Variants in RHOJ observed in about 807,000 individuals in gnomAD.
RHOJ encodes the protein rho-related GTP-binding protein RhoJ.
In RHOJ, 11 loss-of-function variants were observed where a neutral mutation model predicts 23.4. The observed-to-expected ratio is 0.47, with a 90% CI of 0.30 to 0.78. The LOEUF (loss-of-function observed/expected upper bound fraction) is 0.78. RHOJ is among the 30% of genes least tolerant of loss of function. RHOJ has a pLI of 0.08. For missense variants in RHOJ, 254 were observed against 273.4 expected (o/e 0.93, Z 0.50); for synonymous variants, 102 against 102.7 (o/e 0.99, Z 0.04).
intron 1 of RHOJ, among the ~76,000 whole-genome samples, chr14:63,228,224 G>A (rs1371902142): frequency 6.6e-6 from 1 of 152,150 alleles, no homozygotes; most frequent in East Asian, 1.9e-4. Flanking sequence ...TATTTCTATT[G>A]TTGGATTATC....
chr14:63,278,743 C>T (rs540277130), intron 2 of RHOJ, among the ~76,000 whole-genome samples: 1 of 151,958 alleles, frequency 6.6e-6, no homozygotes, highest in Non-Finnish European at 1.5e-5. Context: ...AGCACTTTGG[C>T]GGGGGCTGAG....
At chr14:63,286,798 C>T (rs1882098083) in intron 4 of RHOJ, among the ~76,000 whole-genome samples, 1 of 152,216 alleles carries the variant, frequency 6.6e-6, no homozygotes, top group South Asian at 2.1e-4. Flanking sequence ...ATTATCCAGC[C>T]TTGAATTGGC....
chr14:63,211,394 G>C (rs1402423626), intron 1 of RHOJ, among the ~76,000 whole-genome samples: 2 of 152,114 alleles, frequency 1.3e-5, no homozygotes, highest in Non-Finnish European at 2.9e-5. Context: ...GAGCCTAGAA[G>C]TTCAAAGTTA....
chr14:63,271,678 T>C (rs1895472713), intron 2 of RHOJ, among the ~76,000 whole-genome samples: 1 of 152,246 alleles, frequency 6.6e-6, no homozygotes, highest in African/African-American at 2.4e-5. Context: ...CACTGCAACC[T>C]CCGCTTCCCG....
chr14:63,240,469 G>C (rs1894864348), intron 1 of RHOJ, among the ~76,000 whole-genome samples: 1 of 152,162 alleles, frequency 6.6e-6, no homozygotes, highest in South Asian at 2.1e-4. Context: ...ATGCTTGCTG[G>C]TTGATTGATC....
chr14:63,254,753 A>G (rs1264317498), intron 1 of RHOJ, among the ~76,000 whole-genome samples: 1 of 152,148 alleles, frequency 6.6e-6, no homozygotes, highest in African/African-American at 2.4e-5. Context: ...AGCCATGCCC[A>G]CACAGGCTGC....
At chr14:63,217,695 C>G (rs1894395845) in intron 1 of RHOJ, among the ~76,000 whole-genome samples, 1 of 152,136 alleles carries the variant, frequency 6.6e-6, no homozygotes, top group African/African-American at 2.4e-5. Context: ...CAAATGGGAT[C>G]TAATTAAACT....
Position 63,283,208 on chromosome 14 carries a change from G to A in RHOJ, c.490G>A (p.Ala164Thr), listed in dbSNP as rs375835313. 4.3e-6 allele frequency: 7 copies of A among 1,611,984 alleles called. No homozygotes were observed. Among genetic ancestry groups the A allele is most frequent in the East Asian group, 4.5e-5 (2 of 44,886 alleles). The change falls in exon 4 of 5, where the codon GCA becomes ACA. Residue 164 changes from alanine (A) to threonine (T), a missense_variant. Coordinates refer to ENST00000316754, the MANE Select transcript of RHOJ (RefSeq NM_020663.5). ...PLTYEHGVKL[A>T]KAIGAQCYLE... ...CACTTACGAGCATGGTGTGAAGCTC[G>A]CAAAAGCGGTACAGTCAGATTTGAA...
rs11848251 is a variant in RHOJ, at chr14:63,229,178, A to G, written c.178+24131A>G. On this transcript the variant is annotated intron_variant, in intron 1 of 4. Transcript: ENST00000316754. ...AATGCTCAACACTGTTTGCTTAGAT[A>G]GTATATCTACAAAGTGAGTCCAAAT... Among the ~76,000 whole-genome samples, 366 of 152,354 alleles carry G rather than the reference A, an allele frequency of 2.4e-3. 1 individual carries two copies. The highest frequency in any genetic ancestry group is 8.0e-3 in the African/African-American group (331 of 41,578).
At chr14:63,251,626 G>A (rs932949568) in intron 1 of RHOJ, among the ~76,000 whole-genome samples, 7 of 152,162 alleles carry the variant, frequency 4.6e-5, no homozygotes, top group African/African-American at 1.7e-4. Context: ...TCCACTGGGG[G>A]CATTCAAGCC....
intron 1 of RHOJ, among the ~76,000 whole-genome samples, chr14:63,236,320 C>T (rs1031259086): frequency 2.8e-4 from 43 of 152,056 alleles, no homozygotes; most frequent in African/African-American, 1.0e-3. Context: ...TGTATTAGTC[C>T]GTTTTCACGC....
At chr14:63,251,568 C>T (rs1328567215) in intron 1 of RHOJ, among the ~76,000 whole-genome samples, 2 of 152,152 alleles carry the variant, frequency 1.3e-5, no homozygotes, top group Non-Finnish European at 2.9e-5. Context: ...CTGAGCAATG[C>T]ATACCCAGTT....
At chr14:63,284,305 C>A in intron 4 of RHOJ, 1 of 985,104 alleles carries the variant, frequency 1.0e-6, no homozygotes, top group South Asian at 4.7e-5. Context: ...AACACCTGAT[C>A]GAGATACTGA....
intron 1 of RHOJ, among the ~76,000 whole-genome samples, chr14:63,210,568 G>A (rs1229134295): frequency 6.6e-6 from 1 of 152,146 alleles, no homozygotes; most frequent in East Asian, 1.9e-4. Flanking sequence ...CCCTTCCAGG[G>A]ATGACTCAAC....
At chr14:63,208,143 G>C (rs1234353780) in intron 1 of RHOJ, among the ~76,000 whole-genome samples, 1 of 151,682 alleles carries the variant, frequency 6.6e-6, no homozygotes. Flanking sequence ...GGAAATATCA[G>C]TTTTGCATGA....
intron 1 of RHOJ, among the ~76,000 whole-genome samples, chr14:63,214,260 T>A (rs1380670494): frequency 6.6e-6 from 1 of 152,218 alleles, no homozygotes; most frequent in Admixed American, 6.5e-5. Context: ...GTCAATAAGC[T>A]TCATAGAAAT....
chr14:63,220,448 G>GT (rs1468883786), intron 1 of RHOJ, among the ~76,000 whole-genome samples: 1 of 135,858 alleles, frequency 7.4e-6, no homozygotes, highest in African/African-American at 2.8e-5. Context: ...GAACTTAAAA[G>GT]TTAAAAAAAA....
intron 1 of RHOJ, among the ~76,000 whole-genome samples, chr14:63,250,650 A>G (rs1895053840): frequency 6.6e-6 from 1 of 152,092 alleles, no homozygotes; most frequent in Admixed American, 6.6e-5. Context: ...TATGCACACA[A>G]ACACTGTGCT....
chr14:63,208,242 C>T (rs17093475), intron 1 of RHOJ, among the ~76,000 whole-genome samples: 24,559 of 152,058 alleles, frequency 0.16, 2,768 homozygotes, highest in African/African-American at 0.32. Context: ...TAAAGTTCTA[C>T]GAATTCTGAT....
Sources: allele counts gnomAD v4.1 joint callset (sites outside exome capture counted in the v4.1 genomes callset), GRCh38; gene constraint gnomAD v4.1.1; transcripts MANE v1.5; gene names NCBI Gene and HGNC (gene_info 2026-07-23, HGNC 2026-07-21).